The following PTPN3 variants were observed in gnomAD, a reference collection of about 807,000 sequenced individuals.
PTPN3 encodes the protein protein tyrosine phosphatase non-receptor type 3.
PTPN3 carries 96 observed loss-of-function variants against 132.7 expected under a neutral mutation model. The ratio of observed to expected loss-of-function variants is 0.72; its 90% CI spans 0.61 to 0.86. The LOEUF (loss-of-function observed/expected upper bound fraction) is 0.86. Among genes scored for constraint, PTPN3 ranks in the 40% least tolerant of loss-of-function variants. The pLI, the probability that PTPN3 is intolerant of heterozygous loss-of-function variation, is 0.00. For missense variants in PTPN3, 1,125 were observed against 1,159.6 expected, an observed-to-expected ratio of 0.97 and a Z score of 0.43; for synonymous variants, 398 against 429.0, an observed-to-expected ratio of 0.93 and a Z score of 0.89.
chr9:109,386,468 C>T (rs896019595), intron 22 of PTPN3, among the ~76,000 whole-genome samples: 3 of 152,012 alleles, frequency 2.0e-5, no homozygotes, highest in Non-Finnish European at 4.4e-5. Flanking sequence ...AAGGTGCTCT[C>T]GAATCGGTGT....
At chr9:109,533,970 C>G in the PTPN3 span, 6 of 760,558 alleles carry the variant, frequency 7.9e-6, no homozygotes, top group Non-Finnish European at 1.5e-5. Context: ...TGTGCTGCCT[C>G]TGCACCCTTT....
chr9:109,385,876 C>A (rs550405842), intron 22 of PTPN3, among the ~76,000 whole-genome samples: 1 of 152,178 alleles, frequency 6.6e-6, no homozygotes, highest in East Asian at 1.9e-4. Flanking sequence ...ATTTCCAGTC[C>A]CCAGGTGTGG....
rs1588427065 is a variant in PTPN3 at position 109,438,211 on chromosome 9, A to G, written c.490T>C (p.Ser164Pro). Residue 164 changes from serine (S) to proline (P), a missense_variant, in exon 8 of 26, where the codon TCC (serine) becomes CCC (proline). Ser to Pro is a moderately conservative substitution (Grantham distance 74). Transcript: ENST00000374541. ...VQSHFGDYNS[S>P]IHHPGYLSDS... The stretch of plus-strand genomic sequence containing the variant: ...GAAAGATAGCCTGGATGATGTATGG[A>G]AGAATTATAGTCTCCAAAATGAGCT... 1 of 1,613,136 alleles carries G rather than the reference A, an allele frequency of 6.2e-7. No homozygotes were observed. The highest frequency in any genetic ancestry group is 1.3e-5 in the African/African-American group (1 of 74,894).
intron 1 of PTPN3, among the ~76,000 whole-genome samples, chr9:109,467,235 T>C (rs1274488212): frequency 6.6e-6 from 1 of 152,182 alleles, no homozygotes; most frequent in African/African-American, 2.4e-5. Context: ...TTTTATTTTT[T>C]AGTTCTTGTC....
In PTPN3 at chr9:109,408,309, G is replaced by T; in HGVS notation, c.1635+12C>A. On this transcript the variant is annotated intron_variant, in intron 17 of 25. Transcript: ENST00000374541. ...ACAAACACGAGGAATAACATGGAATGTATTTACTTACAGGTGACTCTGGGT... is the reference window on the plus strand; with the variant it reads ...ACAAACACGAGGAATAACATGGAATTTATTTACTTACAGGTGACTCTGGGT... 1 of 1,543,746 alleles carries T rather than the reference G, an allele frequency of 6.5e-7. No homozygotes were observed.
At chr9:109,446,241 C>T (rs568903288) in intron 6 of PTPN3, among the ~76,000 whole-genome samples, 1 of 152,306 alleles carries the variant, frequency 6.6e-6, no homozygotes, top group Admixed American at 6.5e-5. Context: ...AAAAATTCTT[C>T]CCAGCACCCC....
At position 109,408,291 on chromosome 9, in the gene PTPN3, C is replaced by A. The variant is rs188060381; in HGVS notation, c.1635+30G>T. On this transcript the variant is annotated intron_variant, in intron 17 of 25. Transcript: ENST00000374541. ...AGAATTAGGGGGAAACAAACAAACACGAGGAATAACATGGAATGTATTTAC... is the reference window on the plus strand; with the variant it reads ...AGAATTAGGGGGAAACAAACAAACAAGAGGAATAACATGGAATGTATTTAC... 10 of 1,491,538 alleles carry A rather than the reference C, an allele frequency of 6.7e-6. No homozygotes were observed. The East Asian group carries it at 9.5e-5, about 14-fold the overall frequency. The allele number at this position is 1,491,538 out of a possible 1,614,324, so 92.4% of individuals were successfully genotyped here.
At chr9:109,531,054 C>CA in the PTPN3 span, among the ~76,000 whole-genome samples, 17 of 152,064 alleles carry the variant, frequency 1.1e-4, no homozygotes, top group African/African-American at 4.1e-4. Context: ...TTTAATGCAC[C>CA]AAAGTTTTTC....
chr9:109,428,699 A>C lies in PTPN3; in HGVS notation c.765-15T>G. ...GAATGTTCACCCTTCAAAAAATAAA[A>C]CAAAACACAAACAAAGCACATCAGG... On this transcript the variant is annotated splice_polypyrimidine_tract_variant and intron_variant, in intron 10 of 25. Coordinates refer to ENST00000374541, the MANE Select transcript of PTPN3 (RefSeq NM_002829.4). 1.2e-6 allele frequency: 2 copies of C among 1,610,348 alleles called. No homozygotes were observed. Among genetic ancestry groups the C allele is most frequent in the East Asian group, 2.2e-5 (1 of 44,848 alleles).
chr9:109,489,728 G>C (rs776660277), intron 1 of PTPN3, among the ~76,000 whole-genome samples: 35 of 151,934 alleles, frequency 2.3e-4, no homozygotes, highest in Admixed American at 1.2e-3. Context: ...CATTCCATTT[G>C]CCTCTCCAGT....
At chr9:109,494,120 T>C (rs1847578752) in intron 1 of PTPN3, among the ~76,000 whole-genome samples, 1 of 152,198 alleles carries the variant, frequency 6.6e-6, no homozygotes, top group African/African-American at 2.4e-5. Context: ...CTGGCCCATG[T>C]ACAGAGATAA....
At chr9:109,437,933 CAGAAATGCT>C (rs1443638665) in intron 8 of PTPN3, among the ~76,000 whole-genome samples, 172 bp downstream of exon 8, 1 of 152,214 alleles carries the variant, frequency 6.6e-6, no homozygotes, top group Non-Finnish European at 1.5e-5. Context: ...TTACACTTTA[CAGAAATGCT>C]AGTTATGCCA....
chr9:109,375,848 T>G lies in PTPN3; in HGVS notation c.*3708A>C, dbSNP rs1481957985. On this transcript the variant is annotated 3_prime_UTR_variant, in exon 26 of 26. Transcript: ENST00000374541. Reference sequence around the variant, plus strand: ...TTTCCAAATAACTTCACACAAATCCTTTGGTTGCTCCAAACAGAATGAGAG... The same window carrying G: ...TTTCCAAATAACTTCACACAAATCCGTTGGTTGCTCCAAACAGAATGAGAG... The G allele has an allele frequency of 1.3e-5, 2 of 152,220 alleles. No individual in the cohort carries two copies. Among genetic ancestry groups the G allele is most frequent in the East Asian group, 3.8e-4 (2 of 5,198 alleles). 9.4% of individuals were successfully genotyped at this position (152,220 alleles called of 1,614,324 possible).
At chr9:109,525,421 T>C in the PTPN3 span, among the ~76,000 whole-genome samples, 2 of 152,178 alleles carry the variant, frequency 1.3e-5, no homozygotes, top group African/African-American at 4.8e-5. Flanking sequence ...TCCTCTAAAG[T>C]CCAATAGTTC....
chr9:109,477,256 T>A (rs1421938511), intron 1 of PTPN3, among the ~76,000 whole-genome samples: 1 of 152,208 alleles, frequency 6.6e-6, no homozygotes, highest in East Asian at 1.9e-4. Context: ...TTTGAGATAA[T>A]CTTTTATAAA....
At chr9:109,409,931 T>G in intron 16 of PTPN3, 68 bp downstream of exon 16, 1 of 1,570,806 alleles carries the variant, frequency 6.4e-7, no homozygotes, top group Non-Finnish European at 8.6e-7. Flanking sequence ...ACATTTGTAA[T>G]GCAAATTAAA....
intron 17 of PTPN3, among the ~76,000 whole-genome samples, chr9:109,407,345 C>G (rs1280279345): frequency 6.6e-6 from 1 of 151,970 alleles, no homozygotes; most frequent in Non-Finnish European, 1.5e-5. Context: ...CCACTGCATT[C>G]CAGCCTGGGT....
At chr9:109,494,580 C>T (rs1440678764) in intron 1 of PTPN3, among the ~76,000 whole-genome samples, 1 of 152,144 alleles carries the variant, frequency 6.6e-6, no homozygotes, top group African/African-American at 2.4e-5. Flanking sequence ...TCAAATTATG[C>T]CTTGAAGTTA....
intron 18 of PTPN3, among the ~76,000 whole-genome samples, chr9:109,406,082 G>A (rs942393249): frequency 3.3e-5 from 5 of 152,142 alleles, no homozygotes; most frequent in African/African-American, 7.2e-5. Flanking sequence ...AATCAAACAC[G>A]CACGAATAAA....
Sources: gnomAD v4.1 joint callset for allele counts (sites outside exome capture counted in the v4.1 genomes callset) on GRCh38, gnomAD v4.1.1 for gene constraint, MANE v1.5 for transcripts, NCBI Gene and HGNC (gene_info 2026-07-23, HGNC 2026-07-21) for gene names.